Variants in DOCK3 observed in about 807,000 individuals in gnomAD.
DOCK3 encodes the protein dedicator of cytokinesis protein 3.
In DOCK3, 60 loss-of-function variants were observed where a neutral mutation model predicts 265.6. That is an observed-to-expected ratio of 0.23 (90% CI 0.18 to 0.28). The LOEUF is 0.28. Ranked by LOEUF, DOCK3 falls within the 10% of genes least tolerant of loss-of-function variation. The probability of loss-of-function intolerance (pLI) is 1.00; values close to 1 mark genes in which losing one functional copy is unlikely to be tolerated. For missense variants in DOCK3, 1,981 were observed against 2,594.3 expected (o/e 0.76, Z 5.14); for synonymous variants, 881 against 938.0 (o/e 0.94, Z 1.11).
chr3:50,858,448 T>TAATAATAAA (rs1172394817), intron 3 of DOCK3, among the ~76,000 whole-genome samples: 14 of 122,302 alleles, frequency 1.1e-4, no homozygotes, highest in African/African-American at 3.8e-4. Context: ...ATAATAATAA[T>TAATAATAAA]AATAAAAATA....
chr3:51,282,315 A>G (rs888455309), intron 27 of DOCK3, among the ~76,000 whole-genome samples: 4 of 144,326 alleles, frequency 2.8e-5, no homozygotes, highest in East Asian at 4.0e-4. Context: ...CATCTTAAAA[A>G]GACTCATCAC....
chr3:51,348,756 G>A, intron 38 of DOCK3, 96 bp from the exon 39 acceptor site: 3 of 1,250,752 alleles, frequency 2.4e-6, no homozygotes, highest in Non-Finnish European at 3.4e-6. Flanking sequence ...GGAGCTGGCG[G>A]GAGACCTTTT....
intron 3 of DOCK3, among the ~76,000 whole-genome samples, chr3:50,849,058 G>T (rs2046230919): frequency 6.6e-6 from 1 of 151,596 alleles, no homozygotes. Flanking sequence ...TTCTTGAGAT[G>T]GGGTCTTGCT....
At chr3:50,826,952 G>A (rs1195191706) in intron 2 of DOCK3, among the ~76,000 whole-genome samples, 3 of 152,216 alleles carry the variant, frequency 2.0e-5, no homozygotes, top group Non-Finnish European at 4.4e-5. Context: ...AAAATTCACT[G>A]TGAAGTAATT....
chr3:51,224,846 C>T (rs77770468), intron 14 of DOCK3, among the ~76,000 whole-genome samples: 217 of 152,198 alleles, frequency 1.4e-3, no homozygotes, highest in African/African-American at 5.0e-3. Flanking sequence ...CATGAACAGG[C>T]AATGCTGTCT....
intron 7 of DOCK3, among the ~76,000 whole-genome samples, chr3:51,077,702 T>C (rs1218708654): frequency 6.6e-6 from 1 of 152,174 alleles, no homozygotes; most frequent in South Asian, 2.1e-4. Flanking sequence ...AGAAGCAGTT[T>C]GGAGAGTGAA....
chr3:51,323,931 A>G (rs1420412385), intron 32 of DOCK3, among the ~76,000 whole-genome samples: 2 of 152,200 alleles, frequency 1.3e-5, no homozygotes, highest in African/African-American at 2.4e-5. Context: ...AAATAGAATA[A>G]TAAGAGCTAT....
intron 49 of DOCK3, among the ~76,000 whole-genome samples, chr3:51,372,088 T>G (rs2087730198): frequency 6.6e-6 from 1 of 152,184 alleles, no homozygotes; most frequent in South Asian, 2.1e-4. Context: ...GGGAAAGCAC[T>G]GTATCGGTCA....
chr3:50,730,034 G>T (rs576613272), intron 1 of DOCK3, among the ~76,000 whole-genome samples: 57 of 151,330 alleles, frequency 3.8e-4, no homozygotes, highest in African/African-American at 1.3e-3. Context: ...TCTGATAAAA[G>T]AACTTTCCCA....
intron 4 of DOCK3, among the ~76,000 whole-genome samples, chr3:50,915,324 ACAGGGG>A (rs1300457156): frequency 6.6e-6 from 1 of 152,020 alleles, no homozygotes; most frequent in Admixed American, 6.5e-5. Flanking sequence ...GAGGTCAGGT[ACAGGGG>A]CAGAATGTAC....
At chr3:51,000,444 T>G (rs1186607903) in intron 5 of DOCK3, among the ~76,000 whole-genome samples, 1 of 152,222 alleles carries the variant, frequency 6.6e-6, no homozygotes, top group East Asian at 1.9e-4. Flanking sequence ...GCCTGACTGC[T>G]ACCACTGCTT....
Position 51,227,506 on chromosome 3 carries a change from C to G in DOCK3, c.1540+61C>G, listed in dbSNP as rs940567615. On this transcript the variant is annotated intron_variant, in intron 16 of 52. Coordinates refer to ENST00000266037, the MANE Select transcript of DOCK3 (RefSeq NM_004947.5). ...GAATATAAATATAACTCTCTCCTCT[C>G]TTGAACAGAATTAAGTGGATTCTTA... The G allele has an allele frequency of 1.5e-5, 24 of 1,595,396 alleles. No homozygotes were observed. The Admixed American group carries it at 4.1e-4, about 27-fold the overall frequency.
chr3:51,306,157 T>A (rs2082681052), intron 27 of DOCK3, among the ~76,000 whole-genome samples: 1 of 152,074 alleles, frequency 6.6e-6, no homozygotes, highest in South Asian at 2.1e-4. Flanking sequence ...TGAGCCACTG[T>A]GCTTTGCAGT....
chr3:50,890,577 C>T (rs1348265666), intron 4 of DOCK3, among the ~76,000 whole-genome samples: 1 of 152,006 alleles, frequency 6.6e-6, no homozygotes, highest in Non-Finnish European at 1.5e-5. Flanking sequence ...AAAATGTTAA[C>T]ACTTGTTTTT....
intron 5 of DOCK3, among the ~76,000 whole-genome samples, chr3:51,019,849 T>C (rs919521981): frequency 1.3e-5 from 2 of 151,962 alleles, no homozygotes; most frequent in Admixed American, 6.6e-5. Context: ...GGTGTATATA[T>C]ACCATGTTTT....
At chr3:50,890,185 T>C in intron 4 of DOCK3, 104 bp downstream of exon 4, 5 of 881,272 alleles carry the variant, frequency 5.7e-6, no homozygotes, top group Admixed American at 4.1e-5. Context: ...TTGATATGTT[T>C]TCCTGGCAAA....
chr3:51,196,763 T>A (rs901211809), intron 12 of DOCK3, among the ~76,000 whole-genome samples: 2 of 152,238 alleles, frequency 1.3e-5, no homozygotes, highest in African/African-American at 4.8e-5. Context: ...CTTTGGTAAA[T>A]TTCTCATTCA....
At position 51,064,572 on chromosome 3, in the gene DOCK3, C is replaced by T; in HGVS notation, c.440C>T (p.Thr147Ile). 2.5e-6 allele frequency: 4 copies of T among 1,613,936 alleles called. No homozygotes were observed. The highest frequency in any genetic ancestry group is 3.4e-6 in the Non-Finnish European group (4 of 1,179,856). Residue 147 changes from threonine to isoleucine, a missense_variant, in exon 6 of 53, where the codon ACC becomes ATC. Physicochemically the swap from Thr to Ile is moderately conservative, Grantham distance 89 (BLOSUM62 -1). Around this residue, in one of 4 missense-constraint regions of DOCK3, gnomAD observed 456 missense variants for 539.0 expected, o/e 0.85. Coordinates refer to ENST00000266037, the MANE Select transcript of DOCK3 (RefSeq NM_004947.5). ...DQVREVKRHITVRLDWGNEHL... is the reference protein window; with the variant it reads ...DQVREVKRHIIVRLDWGNEHL... ...GTGCGGGAGGTTAAGCGGCACATCA[C>T]CGTGCGCCTGGACTGGGGTAATGAG...
At position 51,341,310 on chromosome 3, in the gene DOCK3, C is replaced by A; in HGVS notation, c.3840C>A (p.His1280Gln). 1 of 1,613,250 alleles carries A rather than the reference C, an allele frequency of 6.2e-7. No individual in the cohort carries two copies. The highest frequency in any genetic ancestry group is 8.5e-7 in the Non-Finnish European group (1 of 1,179,528). ...ACCGGCCACTACGGGAATTCCTCCA[C>A]TACCCATCGCAGACAGAGTGGCAGC... is the stretch of plus-strand genomic sequence containing the variant. ...WEDRPLREFL[H>Q]YPSQTEWQRK... The change falls in exon 38 of 53, where the codon CAC becomes CAA. Residue 1280 changes from histidine (H) to glutamine (Q), a missense_variant. Physicochemically the swap from His to Gln is conservative, Grantham distance 24. Around this residue, in one of 4 missense-constraint regions of DOCK3, gnomAD observed 1,357 missense variants for 1,866.8 expected, o/e 0.73. Coordinates refer to ENST00000266037, the MANE Select transcript of DOCK3 (RefSeq NM_004947.5).
Sources: gnomAD v4.1 joint callset for allele counts (sites outside exome capture counted in the v4.1 genomes callset) on GRCh38, gnomAD v4.1.1 for gene constraint, gnomAD v4.1.1 regional missense constraint, MANE v1.5 for transcripts, NCBI Gene and HGNC (gene_info 2026-07-23, HGNC 2026-07-21) for gene names.